Variants in COL12A1 observed in about 807,000 individuals in gnomAD.
COL12A1 encodes collagen type XII alpha 1 chain.
A neutral mutation model predicts 349.7 loss-of-function variants in COL12A1; 114 were observed. The observed-to-expected ratio is 0.33, with a 90% CI of 0.28 to 0.38. The LOEUF (loss-of-function observed/expected upper bound fraction) is 0.38. COL12A1 is among the 10% of genes least tolerant of loss of function. COL12A1 has a pLI of 1.00. For synonymous variants in COL12A1, 1,369 were observed against 1,329.0 expected, an observed-to-expected ratio of 1.03 and a Z score of -0.66; for missense variants, 3,284 against 3,756.9, an observed-to-expected ratio of 0.87 and a Z score of 3.29.
chr6:75,182,996 A>G (rs1769396156), intron 10 of COL12A1, 54 bp downstream of exon 10: 2 of 1,525,580 alleles, frequency 1.3e-6, no homozygotes. Context: ...CAATTTTAGA[A>G]CCAAAAATTC....
intron 11 of COL12A1, among the ~76,000 whole-genome samples, chr6:75,179,200 G>C (rs1483364596): frequency 6.6e-6 from 1 of 152,144 alleles, no homozygotes; most frequent in African/African-American, 2.4e-5. Context: ...TTAAATCCCA[G>C]ATTCCATTAC....
intron 3 of COL12A1, 108 bp downstream of exon 3, chr6:75,194,723 T>A (rs1241653172): frequency 1.5e-6 from 1 of 651,974 alleles, no homozygotes; most frequent in Non-Finnish European, 2.5e-6. Flanking sequence ...ATCAAATCCC[T>A]CAGGCTTCCT....
Position 75,123,355 on chromosome 6 carries a change from A to G in COL12A1, c.6921T>C (p.Pro2307=). The change falls in exon 43 of 66, where the codon CCT becomes CCC. Residue 2307 remains proline, a synonymous_variant. Coordinates refer to ENST00000322507, the MANE Select transcript of COL12A1 (RefSeq NM_004370.6). ...CATCCCGGGCTGGTGGAATGGTGGG[A>G]GGGGGAGGAGGTGTGGGTGGCTCTG... ...APTEPPTPPP[P]PTIPPARDVC... is the part of the protein sequence containing the mutation. The G allele has an allele frequency of 6.2e-7, 1 of 1,607,780 alleles. No homozygotes were observed. Among genetic ancestry groups the G allele is most frequent in the Non-Finnish European group, 8.5e-7 (1 of 1,176,892 alleles).
At chr6:75,159,499 A>C (rs1767923312) in intron 14 of COL12A1, among the ~76,000 whole-genome samples, 1 of 149,298 alleles carries the variant, frequency 6.7e-6, no homozygotes, top group Non-Finnish European at 1.5e-5. Flanking sequence ...AAAGACTTTT[A>C]CCTGGAGTTT....
chr6:75,192,105 G>C, intron 4 of COL12A1, 107 bp downstream of exon 4: 1 of 851,628 alleles, frequency 1.2e-6, no homozygotes, highest in Admixed American at 3.2e-5. Context: ...AAAATAGTTA[G>C]TACTGCTGTA....
intron 4 of COL12A1, 34 bp downstream of exon 4, chr6:75,192,178 T>C (rs758909105): frequency 1.0e-4 from 143 of 1,413,342 alleles, no homozygotes; most frequent in Non-Finnish European, 1.2e-4. Context: ...AAAATAAAAA[T>C]TATACAAATA....
At chr6:75,195,700 C>T (rs1488415486) in intron 2 of COL12A1, among the ~76,000 whole-genome samples, 1 of 152,122 alleles carries the variant, frequency 6.6e-6, no homozygotes, top group Non-Finnish European at 1.5e-5. Flanking sequence ...CACCAGCTTG[C>T]TGAATGTTCC....
Position 75,113,430 on chromosome 6 carries a change from G to C in COL12A1, c.7841-117C>G, listed in dbSNP as rs1362181254. The C allele has an allele frequency of 1.4e-5, 13 of 942,788 alleles. No homozygotes were observed. In the African/African-American group the frequency reaches 1.6e-4, roughly 11 times the overall value. 58.4% of individuals were successfully genotyped at this position (942,788 alleles called of 1,614,324 possible). On this transcript the variant is annotated intron_variant, in intron 50 of 65. Transcript: ENST00000322507. ...TTAAAAATATAATAATTTCAGTTAT[G>C]ATAAAATGCAATTAGGATATTTACT...
intron 2 of COL12A1, among the ~76,000 whole-genome samples, chr6:75,200,245 G>A (rs7762595): frequency 0.022 from 3,416 of 152,266 alleles, 109 homozygotes; most frequent in African/African-American, 0.078. Context: ...TGTCCGACAC[G>A]GAAGCAACCA....
chr6:75,113,743 C>A lies in COL12A1; in HGVS notation c.7699G>T (p.Asp2567Tyr). The A allele has an allele frequency of 1.3e-6, 2 of 1,576,126 alleles. No homozygotes were observed. The highest frequency in any genetic ancestry group is 1.7e-6 in the Non-Finnish European group (2 of 1,158,382). ...GGAGGGAGTCCATTTGGGTGTAGGT[C>A]TCTGTTGGATAAAACAAAAGAAAGA... ...KNAFVNQPTA[D>Y]LHPNGLPPSY... is the part of the protein sequence containing the mutation. Residue 2567 changes from aspartate (D) to tyrosine (Y), a missense_variant and splice_region_variant, in exon 50 of 66, where the codon GAC (aspartate) becomes TAC (tyrosine). Transcript: ENST00000322507.
rs999393135 is a variant in COL12A1, at chr6:75,125,420, T to C, written c.6461-147A>G. 8.9e-5 allele frequency: 57 copies of C among 641,946 alleles called. No individual in the cohort carries two copies. In the East Asian group the frequency reaches 1.5e-3, roughly 17 times the overall value. The allele number at this position is 641,946 out of a possible 1,614,324, so 39.8% of individuals were successfully genotyped here. The stretch of plus-strand genomic sequence containing the variant: ...CACTTACTCACTGGGGCACATGCTA[T>C]GTTATATGACAAATATGAAACTGTA... On this transcript the variant is annotated intron_variant, in intron 39 of 65. Coordinates refer to ENST00000322507, the MANE Select transcript of COL12A1 (RefSeq NM_004370.6).
intron 65 of COL12A1, among the ~76,000 whole-genome samples, chr6:75,086,923 C>T (rs1767525675): frequency 6.6e-6 from 1 of 151,960 alleles, no homozygotes; most frequent in Non-Finnish European, 1.5e-5. Flanking sequence ...TTGCAAGATG[C>T]TTGAGGGTGC....
Position 75,116,046 on chromosome 6 carries a change from T to C in COL12A1, c.7531A>G (p.Ile2511Val). ...GGTGAGGTGTAGCCATCCAAATAAA[T>C]GAGAGGACAACCTGCAATGTACAGT... The part of the protein sequence containing the change: ...CETATSSCPL[I>V]YLDGYTSPGF... Residue 2511 changes from isoleucine (I) to valine (V), a missense_variant, in exon 48 of 66, where the codon ATT (isoleucine) becomes GTT (valine). Coordinates refer to ENST00000322507, the MANE Select transcript of COL12A1 (RefSeq NM_004370.6). 6.2e-7 allele frequency: 1 copy of C among 1,613,370 alleles called. No homozygotes were observed. Among genetic ancestry groups the C allele is most frequent in the Non-Finnish European group, 8.5e-7 (1 of 1,179,538 alleles).
intron 47 of COL12A1, among the ~76,000 whole-genome samples, chr6:75,116,444 T>G (rs1769084079): frequency 6.6e-6 from 1 of 152,110 alleles, no homozygotes; most frequent in African/African-American, 2.4e-5. Flanking sequence ...CTGCCAAGTC[T>G]CCAAGCCTCA....
rs2149410389 is a variant in COL12A1 at position 75,148,340 on chromosome 6, A to G, written c.4287+18T>C. On this transcript the variant is annotated intron_variant, in intron 22 of 65. Coordinates refer to ENST00000322507, the MANE Select transcript of COL12A1 (RefSeq NM_004370.6). ...TCTCAACATCAGGAAGAAGTAAGTT[A>G]TAGGTGTTCCTACTCACTTCTTGAC... The G allele has an allele frequency of 1.2e-6, 2 of 1,608,204 alleles. No individual in the cohort carries two copies. The highest frequency in any genetic ancestry group is 4.5e-5 in the East Asian group (2 of 44,804).
chr6:75,090,038 C>T lies in COL12A1; in HGVS notation c.8941+72G>A. ...TTTGCCTAGGTCACCTTTCAGATGC[C>T]TTCAACCTGTCCCAACTCCTACATT... On this transcript the variant is annotated intron_variant, in intron 63 of 65. Coordinates refer to ENST00000322507, the MANE Select transcript of COL12A1 (RefSeq NM_004370.6). The surrounding 1 kb of genome is among the most constrained non-coding windows in gnomAD (Gnocchi z 4.1). The T allele has an allele frequency of 1.3e-6, 2 of 1,553,358 alleles. No individual in the cohort carries two copies. The highest frequency in any genetic ancestry group is 1.8e-6 in the Non-Finnish European group (2 of 1,134,958).
At chr6:75,166,334 C>T (rs951771164) in intron 13 of COL12A1, among the ~76,000 whole-genome samples, 7 of 152,164 alleles carry the variant, frequency 4.6e-5, no homozygotes, top group South Asian at 2.1e-4. Context: ...CAGTTTAAAA[C>T]GTAGCAGTGC....
intron 19 of COL12A1, 43 bp from the exon 20 acceptor site, chr6:75,152,074 G>A (rs1214510365): frequency 6.2e-7 from 1 of 1,613,696 alleles, no homozygotes; most frequent in South Asian, 1.1e-5. Context: ...TCACCATTCA[G>A]CCACAAACCT....
intron 13 of COL12A1, among the ~76,000 whole-genome samples, chr6:75,167,764 A>G (rs1035675608): frequency 2.0e-5 from 3 of 152,218 alleles, no homozygotes; most frequent in South Asian, 2.1e-4. Context: ...ATGTCTTCCT[A>G]TGGATTTTAA....
Sources: gnomAD v4.1 joint callset for allele counts (sites outside exome capture counted in the v4.1 genomes callset) on GRCh38, gnomAD v4.1.1 for gene constraint, Gnocchi (gnomAD v3.1) non-coding constraint, MANE v1.5 for transcripts, NCBI Gene and HGNC (gene_info 2026-07-23, HGNC 2026-07-21) for gene names.